ZNF638: variants seen among roughly 807,000 people sequenced by gnomAD.
ZNF638 encodes the protein CTCL tumor antigen se33-1.
In ZNF638, 46 loss-of-function variants were observed where a neutral mutation model predicts 195.6. The observed-to-expected ratio is 0.24, with a 90% confidence interval of 0.19 to 0.30. The LOEUF is 0.30. ZNF638 is among the 10% of genes least tolerant of loss of function. ZNF638 has a pLI of 1.00. For synonymous variants in ZNF638, 845 were observed against 772.0 expected (o/e 1.09, Z -1.57); for missense variants, 2,440 against 2,325.3 (o/e 1.05, Z -1.01).
intron 20 of ZNF638, among the ~76,000 whole-genome samples, chr2:71,417,501 C>G (rs113397417): frequency 1.9e-4 from 22 of 118,420 alleles, no homozygotes; most frequent in Non-Finnish European, 3.7e-4. Flanking sequence ...TGGCTCCTCC[C>G]TGAGTTTTTT....
chr2:71,354,155 AC>A (rs2078985644), intron 2 of ZNF638, among the ~76,000 whole-genome samples: 1 of 152,224 alleles, frequency 6.6e-6, no homozygotes, highest in Non-Finnish European at 1.5e-5. Context: ...AATGACCTAA[AC>A]TAAAATGTAT....
intron 20 of ZNF638, among the ~76,000 whole-genome samples, chr2:71,417,495 T>C (rs1192767987): frequency 6.6e-6 from 1 of 152,242 alleles, no homozygotes; most frequent in Non-Finnish European, 1.5e-5. Context: ...CCATCTTGGC[T>C]CCTCCCTGAG....
At chr2:71,346,745 T>C (rs1000107526) in intron 1 of ZNF638, among the ~76,000 whole-genome samples, 2 of 152,104 alleles carry the variant, frequency 1.3e-5, no homozygotes, top group Non-Finnish European at 2.9e-5. Context: ...GGTTATTGAA[T>C]GCCGGGCGAC....
At chr2:71,399,272 A>T (rs1434164883) in intron 12 of ZNF638, among the ~76,000 whole-genome samples, 1 of 152,212 alleles carries the variant, frequency 6.6e-6, no homozygotes. Context: ...ATCTTTGCAG[A>T]AATTACACAG....
At chr2:71,431,207 A>G in intron 25 of ZNF638, 120 bp from the exon 26 acceptor site, 1 of 729,282 alleles carries the variant, frequency 1.4e-6, no homozygotes, top group Non-Finnish European at 2.3e-6. Flanking sequence ...AAGAATGGCC[A>G]GATGGGATTA....
intron 10 of ZNF638, among the ~76,000 whole-genome samples, chr2:71,383,560 G>GTTTTTTTTTTTTTT (rs57987492): frequency 1.6e-5 from 2 of 122,106 alleles, no homozygotes; most frequent in African/African-American, 6.6e-5. Context: ...TTCCTGGGTG[G>GTTTTTTTTTTTTTT]TTTTTTTTTT....
intron 8 of ZNF638, among the ~76,000 whole-genome samples, chr2:71,378,910 G>A (rs1408363699): frequency 1.3e-5 from 2 of 152,178 alleles, no homozygotes; most frequent in Non-Finnish European, 2.9e-5. Flanking sequence ...AAGAAGTATA[G>A]GAAGGAAGTG....
At chr2:71,421,116 T>C (rs992000427) in intron 21 of ZNF638, among the ~76,000 whole-genome samples, 2 of 152,188 alleles carry the variant, frequency 1.3e-5, no homozygotes, top group African/African-American at 4.8e-5. Context: ...TCTAAAGTTT[T>C]ATGTAGGGTT....
intron 8 of ZNF638, among the ~76,000 whole-genome samples, chr2:71,370,851 T>TAATA (rs978181627): frequency 1.3e-5 from 2 of 152,212 alleles, no homozygotes; most frequent in African/African-American, 4.8e-5. Flanking sequence ...TATACTCTTA[T>TAATA]AATTGTTTAA....
intron 26 of ZNF638, among the ~76,000 whole-genome samples, chr2:71,432,215 T>C (rs770821835): frequency 6.6e-6 from 1 of 152,198 alleles, no homozygotes; most frequent in Non-Finnish European, 1.5e-5. Context: ...TTATATTTTA[T>C]TTTGAGACAG....
intron 1 of ZNF638, among the ~76,000 whole-genome samples, chr2:71,344,253 G>T (rs2078814197): frequency 6.6e-6 from 1 of 152,180 alleles, no homozygotes; most frequent in African/African-American, 2.4e-5. Context: ...GTCATTAAAA[G>T]CCTTTACGTA....
At position 71,350,059 on chromosome 2, in the gene ZNF638, A is replaced by G. The variant is rs2078915463; in HGVS notation, c.1105A>G (p.Ser369Gly). 6.2e-7 allele frequency: 1 copy of G among 1,614,210 alleles called. No individual in the cohort carries two copies. Among genetic ancestry groups the G allele is most frequent in the East Asian group, 2.2e-5 (1 of 44,882 alleles). ...TAACGTACATGTTGGATCAAGAGGA[A>G]GTAAAAAGAATTACCAGTCACAGGC... The part of the protein sequence containing the change: ...SSNVHVGSRG[S>G]KKNYQSQADI... Residue 369 changes from serine (S) to glycine (G), a missense_variant, in exon 2 of 28, where the codon AGT (serine) becomes GGT (glycine). Transcript: ENST00000264447.
At chr2:71,363,274 G>T (rs2079138997) in intron 4 of ZNF638, 83 bp downstream of exon 4, 5 of 1,047,304 alleles carry the variant, frequency 4.8e-6, no homozygotes, top group South Asian at 3.1e-5. Flanking sequence ...TGATTCTTTT[G>T]AGTTCTACTT....
At chr2:71,428,723 T>C (rs1437998852) in intron 25 of ZNF638, 72 bp downstream of exon 25, 4 of 1,336,114 alleles carry the variant, frequency 3.0e-6, no homozygotes, top group Non-Finnish European at 4.2e-6. Flanking sequence ...TAAAGATCTA[T>C]CTAAGAAGAA....
intron 8 of ZNF638, among the ~76,000 whole-genome samples, chr2:71,370,779 T>A (rs2079295879): frequency 1.3e-5 from 2 of 152,218 alleles, no homozygotes; most frequent in Non-Finnish European, 2.9e-5. Context: ...AATAATCACA[T>A]TATGGAAAAT....
rs776782165 is a variant in ZNF638 at position 71,349,711 on chromosome 2, C to A, written c.757C>A (p.Pro253Thr). The A allele has an allele frequency of 6.2e-7, 1 of 1,614,170 alleles. No individual in the cohort carries two copies. The highest frequency in any genetic ancestry group is 1.1e-5 in the South Asian group (1 of 91,088). ...QSQQNISASV[P>T]NPNVICNSMF... is the part of the protein sequence containing the mutation. ...ACAGCAGAACATTTCTGCATCTGTT[C>A]CCAATCCAAATGTGATATGTAATTC... Residue 253 changes from proline (P) to threonine (T), a missense_variant, in exon 2 of 28, where the codon CCC becomes ACC. Transcript: ENST00000264447.
chr2:71,423,623 C>CTAA lies in ZNF638; in HGVS notation c.4113_4115dup (p.Asn1371dup). 34 of 1,613,854 alleles carry CTAA rather than the reference C, an allele frequency of 2.1e-5. No homozygotes were observed. Among genetic ancestry groups the CTAA allele is most frequent in the Non-Finnish European group, 2.9e-5 (34 of 1,179,978 alleles). ...TACCCAAATAAAGGAGTGGGTCAGG[C>CTAA]TAATAAGCCTGATGAAACTAGTAAA... On this transcript the variant is annotated inframe_insertion, in exon 22 of 28. Transcript: ENST00000264447.
chr2:71,380,541 G>A lies in ZNF638; in HGVS notation c.2353G>A (p.Glu785Lys). ...KRDADASKAVEIVTSTSAAKT... is the reference protein window; with the variant it reads ...KRDADASKAVKIVTSTSAAKT... ...AGATGCAGATGCTTCAAAAGCTGTT[G>A]AAATTGTTACTTCAACTTCTGCTGG... Residue 785 changes from glutamate to lysine, a missense_variant, in exon 10 of 28, where the codon GAA becomes AAA. Physicochemically the swap from Glu to Lys is moderately conservative, Grantham distance 56. This residue lies in a region of ZNF638 where 1,883 missense variants were observed against 1,739.1 expected (regional missense o/e 1.08). Transcript: ENST00000264447. The A allele has an allele frequency of 6.2e-7, 1 of 1,603,928 alleles. No individual in the cohort carries two copies. Among genetic ancestry groups the A allele is most frequent in the Non-Finnish European group, 8.5e-7 (1 of 1,176,092 alleles).
At chr2:71,428,120 A>G (rs890128802) in intron 24 of ZNF638, among the ~76,000 whole-genome samples, 1 of 152,164 alleles carries the variant, frequency 6.6e-6, no homozygotes, top group East Asian at 1.9e-4. Flanking sequence ...TGAGCCCAGA[A>G]GGTCGAGGTT....
Sources: gnomAD v4.1 joint callset for allele counts (sites outside exome capture counted in the v4.1 genomes callset) on GRCh38, gnomAD v4.1.1 for gene constraint, gnomAD v4.1.1 regional missense constraint, MANE v1.5 for transcripts, NCBI Gene and HGNC (gene_info 2026-07-23, HGNC 2026-07-21) for gene names.